Variants in PITPNB observed in about 807,000 individuals in gnomAD.
PITPNB encodes phosphatidylinositol transfer protein beta isoform.
Under a neutral mutation model 45.9 loss-of-function variants are expected in PITPNB, and 16 were observed. The ratio of observed to expected loss-of-function variants is 0.35; its 90% CI spans 0.24 to 0.53. PITPNB has a LOEUF of 0.53. PITPNB is among the 20% of genes least tolerant of loss of function. PITPNB has a pLI of 0.93. For missense variants in PITPNB, 188 were observed against 330.5 expected (o/e 0.57, Z 3.34); for synonymous variants, 112 against 108.9 (o/e 1.03, Z -0.18).
chr22:27,918,687 G>C (rs1936163406), intron 1 of PITPNB, among the ~76,000 whole-genome samples: 2 of 152,176 alleles, frequency 1.3e-5, no homozygotes, highest in Non-Finnish European at 2.9e-5. Context: ...GCGTCCCACC[G>C]CGAGTCCTGA....
At chr22:27,908,728 T>C (rs181233325) in intron 3 of PITPNB, among the ~76,000 whole-genome samples, 2 of 152,122 alleles carry the variant, frequency 1.3e-5, no homozygotes, top group Non-Finnish European at 2.9e-5. Flanking sequence ...CTATACCATC[T>C]GGAATGCCAA....
chr22:27,898,334 C>A (rs1012697080), intron 3 of PITPNB, among the ~76,000 whole-genome samples: 1 of 151,682 alleles, frequency 6.6e-6, no homozygotes, highest in African/African-American at 2.4e-5. Flanking sequence ...GAGATCACAC[C>A]ACTGCACTCT....
chr22:27,879,566 A>C (rs6005664), intron 7 of PITPNB, among the ~76,000 whole-genome samples: 134 of 152,286 alleles, frequency 8.8e-4, no homozygotes, highest in African/African-American at 3.0e-3. Flanking sequence ...TGTATTTATT[A>C]CTAGTATATG....
intron 7 of PITPNB, among the ~76,000 whole-genome samples, chr22:27,890,613 G>A (rs893639058): frequency 6.6e-6 from 1 of 152,132 alleles, no homozygotes; most frequent in African/African-American, 2.4e-5. Flanking sequence ...AGGAGATCGA[G>A]ACCATCCTGG....
chr22:27,918,507 A>C (rs542184667), intron 1 of PITPNB, among the ~76,000 whole-genome samples: 1 of 152,354 alleles, frequency 6.6e-6, no homozygotes, highest in Admixed American at 6.5e-5. Context: ...CCTCCATTTG[A>C]CAGAGCACGT....
At chr22:27,874,742 C>T (rs1449515517) in intron 7 of PITPNB, among the ~76,000 whole-genome samples, 1 of 152,182 alleles carries the variant, frequency 6.6e-6, no homozygotes, top group African/African-American at 2.4e-5. Context: ...TGACCGTGGT[C>T]GGTTGGTCAG....
intron 8 of PITPNB, 95 bp from the exon 9 acceptor site, chr22:27,860,336 G>A: frequency 1.5e-6 from 1 of 683,140 alleles, no homozygotes. Context: ...AGACATACAT[G>A]AAGAAAATTA....
chr22:27,863,523 C>T (rs1934398122), intron 8 of PITPNB, among the ~76,000 whole-genome samples: 1 of 152,200 alleles, frequency 6.6e-6, no homozygotes, highest in African/African-American at 2.4e-5. Flanking sequence ...AGTACCCCAC[C>T]AAACTGCTGA....
chr22:27,859,717 C>A (rs993364062), intron 9 of PITPNB, among the ~76,000 whole-genome samples: 1 of 152,210 alleles, frequency 6.6e-6, no homozygotes, highest in Admixed American at 6.5e-5. Flanking sequence ...GGCACACATA[C>A]ATATTCTGAG....
At chr22:27,868,261 C>T (rs367845968) in intron 8 of PITPNB, among the ~76,000 whole-genome samples, 1 of 152,314 alleles carries the variant, frequency 6.6e-6, no homozygotes, top group East Asian at 1.9e-4. Context: ...TCATAAGCCA[C>T]TTGAGTCTCT....
intron 8 of PITPNB, among the ~76,000 whole-genome samples, chr22:27,871,478 T>C (rs149661345): frequency 1.3e-5 from 2 of 152,344 alleles, no homozygotes; most frequent in Non-Finnish European, 2.9e-5. Flanking sequence ...GAACAAGATG[T>C]ACTTTTTTAG....
At chr22:27,904,769 A>C (rs1402593237) in intron 3 of PITPNB, among the ~76,000 whole-genome samples, 1 of 152,198 alleles carries the variant, frequency 6.6e-6, no homozygotes, top group Non-Finnish European at 1.5e-5. Context: ...AAGAAGATAC[A>C]AGAGGAGGGA....
intron 1 of PITPNB, among the ~76,000 whole-genome samples, chr22:27,916,777 T>A (rs1188580754): frequency 6.6e-6 from 1 of 151,878 alleles, no homozygotes; most frequent in Non-Finnish European, 1.5e-5. Flanking sequence ...CACTCCAGCC[T>A]GGGCAACAGA....
intron 3 of PITPNB, among the ~76,000 whole-genome samples, chr22:27,902,363 T>C (rs1935620762): frequency 6.6e-6 from 1 of 152,124 alleles, no homozygotes; most frequent in South Asian, 2.1e-4. Flanking sequence ...AAAGACCACA[T>C]GGGCCCCACC....
At chr22:27,907,065 T>G (rs1478591204) in intron 3 of PITPNB, among the ~76,000 whole-genome samples, 2 of 152,192 alleles carry the variant, frequency 1.3e-5, no homozygotes, top group South Asian at 4.1e-4. Flanking sequence ...TTAGTCAAGT[T>G]TGTAGTTTTA....
chr22:27,870,458 G>C (rs954941508), intron 8 of PITPNB, among the ~76,000 whole-genome samples: 33 of 152,218 alleles, frequency 2.2e-4, no homozygotes, highest in African/African-American at 8.0e-4. Flanking sequence ...GGTAAGGCAG[G>C]TTTCTGCTGA....
At chr22:27,897,018 GA>G (rs1935453863) in intron 5 of PITPNB, 111 bp downstream of exon 5, 1 of 814,412 alleles carries the variant, frequency 1.2e-6, no homozygotes, top group Non-Finnish European at 2.2e-6. Flanking sequence ...TGGGACACAG[GA>G]AGGAACCATG....
chr22:27,917,644 T>G (rs778604356), intron 1 of PITPNB, among the ~76,000 whole-genome samples: 1 of 152,244 alleles, frequency 6.6e-6, no homozygotes, highest in Non-Finnish European at 1.5e-5. Flanking sequence ...ACCAAAGTTA[T>G]CATTTTTCAT....
At chr22:27,881,798 AATTAATTTGGAGGATAT>A (rs776792577) in intron 7 of PITPNB, among the ~76,000 whole-genome samples, 27 of 152,230 alleles carry the variant, frequency 1.8e-4, no homozygotes, top group South Asian at 8.3e-4. Context: ...ATCTACCAAA[AATTAATTTGGAGGATAT>A]ATTAGGTTGA....
Sources: allele counts gnomAD v4.1 joint callset (sites outside exome capture counted in the v4.1 genomes callset), GRCh38; gene constraint gnomAD v4.1.1; transcripts MANE v1.5; gene names NCBI Gene and HGNC (gene_info 2026-07-23, HGNC 2026-07-21).